Variants in TPPP observed in about 807,000 individuals in gnomAD.
The protein encoded by TPPP is tubulin polymerization-promoting protein.
In TPPP, 6 loss-of-function variants were observed where a neutral mutation model predicts 15.5. The observed-to-expected ratio is 0.39, with a 90% confidence interval of 0.21 to 0.77. The LOEUF (loss-of-function observed/expected upper bound fraction) is 0.77, where lower values mean the gene tolerates loss of function less well. Ranked by LOEUF, TPPP falls within the 30% of genes least tolerant of loss-of-function variation. TPPP has a pLI of 0.42. For missense variants in TPPP, 269 were observed against 307.2 expected (o/e 0.88, Z 0.93); for synonymous variants, 146 against 133.9 (o/e 1.09, Z -0.63).
chr5:674,699 G>A (rs1382042367), intron 2 of TPPP, among the ~76,000 whole-genome samples: 2 of 152,020 alleles, frequency 1.3e-5, no homozygotes, highest in African/African-American at 2.4e-5. Context: ...CACACCGCAT[G>A]GCCCGCTGCT....
upstream of TPPP, among the ~76,000 whole-genome samples, chr5:694,399 G>A (rs1740981129): frequency 7.9e-6 from 1 of 127,128 alleles, no homozygotes; most frequent in African/African-American, 2.5e-5. Flanking sequence ...CTCTAGTGCA[G>A]CTGAGCTCCT....
upstream of TPPP, chr5:693,368 C>A (rs1476385093): frequency 1.3e-5 from 2 of 148,264 alleles, no homozygotes; most frequent in Non-Finnish European, 3.0e-5. Context: ...CGCCGCCCCG[C>A]GCCCGCCCGT....
rs1008257558 is a variant in TPPP, at chr5:660,269, A to G, written c.*4833T>C. 4 of 152,032 alleles carry G rather than the reference A, an allele frequency of 2.6e-5. No homozygotes were observed. The highest frequency in any genetic ancestry group is 4.1e-4 in the South Asian group (2 of 4,828). The allele number at this position is 152,032 out of a possible 1,614,324, so 9.4% of individuals were successfully genotyped here. A position where few individuals can be genotyped will look rare whatever the true frequency, so the allele number is the denominator to read the frequency against. On this transcript the variant is annotated 3_prime_UTR_variant, in exon 4 of 4. Coordinates refer to ENST00000360578, the MANE Select transcript of TPPP (RefSeq NM_007030.3). Reference sequence around the variant, plus strand: ...TCTTGAAAAAAACTTAGTACAAACTAGTAGTTACACGATCCCTTTCAAGTT... The same window carrying G: ...TCTTGAAAAAAACTTAGTACAAACTGGTAGTTACACGATCCCTTTCAAGTT...
chr5:661,384 G>A lies in TPPP; in HGVS notation c.*3718C>T, dbSNP rs1412643687. ...ATAGAACCTGTCCCTGTGTCCTCGT[G>A]TCACCCATGACAGAACCTGTCCCTG... On this transcript the variant is annotated 3_prime_UTR_variant, in exon 4 of 4. Coordinates refer to ENST00000360578, the MANE Select transcript of TPPP (RefSeq NM_007030.3). 2 of 139,166 alleles carry A rather than the reference G, an allele frequency of 1.4e-5. No individual in the cohort carries two copies. Among genetic ancestry groups the A allele is most frequent in the Admixed American group, 7.5e-5 (1 of 13,382 alleles). The allele number at this position is 139,166 out of a possible 1,614,324, so 8.6% of individuals were successfully genotyped here. A position where few individuals can be genotyped will look rare whatever the true frequency, so the allele number is the denominator to read the frequency against.
chr5:696,292 C>G (rs1432969127), upstream of TPPP, among the ~76,000 whole-genome samples: 1 of 126,438 alleles, frequency 7.9e-6, no homozygotes, highest in Admixed American at 7.8e-5. Context: ...GACAGAGGCA[C>G]GGGGAGCGGG....
chr5:683,965 C>T (rs1740697739), intron 1 of TPPP, among the ~76,000 whole-genome samples: 1 of 152,212 alleles, frequency 6.6e-6, no homozygotes, highest in South Asian at 2.1e-4. Context: ...CACCCTCCAC[C>T]TCGGGCCGGC....
chr5:666,810 T>A (rs150309428), intron 2 of TPPP: 1 of 152,374 alleles, frequency 6.6e-6, no homozygotes, highest in African/African-American at 2.4e-5. Flanking sequence ...CTAAACTGAC[T>A]CTTGGTTTTT....
rs1739734399 is a variant in TPPP, at chr5:663,126, C to CCGATGACTGCTCGTCTGTGACCGGGT, written c.*1975_*1976insACCCGGTCACAGACGAGCAGTCATCG. The CCGATGACTGCTCGTCTGTGACCGGGT allele has an allele frequency of 1.2e-5, 1 of 86,304 alleles. No homozygotes were observed. Among genetic ancestry groups the CCGATGACTGCTCGTCTGTGACCGGGT allele is most frequent in the Non-Finnish European group, 2.4e-5 (1 of 41,394 alleles). The allele number at this position is 86,304 out of a possible 1,614,324, so 5.3% of individuals were successfully genotyped here. The stretch of plus-strand genomic sequence containing the variant: ...CGGTGGCCGCTCGTCTGTGATCGGG[C>CCGATGACTGCTCGTCTGTGACCGGGT]GATTCCGGTGACCGCTCGTCTGTGA... On this transcript the variant is annotated 3_prime_UTR_variant, in exon 4 of 4. Transcript: ENST00000360578.
intron 1 of TPPP, among the ~76,000 whole-genome samples, chr5:685,947 G>A (rs959662887): frequency 2.6e-5 from 4 of 152,182 alleles, no homozygotes; most frequent in Non-Finnish European, 4.4e-5. Context: ...CACAGACGCC[G>A]GGGCTGCCAG....
chr5:667,139 A>G (rs1223765361), intron 2 of TPPP: 2 of 152,236 alleles, frequency 1.3e-5, no homozygotes, highest in Non-Finnish European at 2.9e-5. Flanking sequence ...AACGATTTCA[A>G]GAAATGAGAA....
chr5:673,489 C>CCACTAGAGG (rs1740293105), intron 2 of TPPP, among the ~76,000 whole-genome samples: 2 of 152,094 alleles, frequency 1.3e-5, no homozygotes, highest in Non-Finnish European at 2.9e-5. Flanking sequence ...AATCCCTTGG[C>CCACTAGAGG]CTCCCCTCAG....
At chr5:688,708 AC>A (rs1390126427) in intron 1 of TPPP, among the ~76,000 whole-genome samples, 1 of 137,354 alleles carries the variant, frequency 7.3e-6, no homozygotes, top group African/African-American at 2.5e-5. Flanking sequence ...GATGAGCTTC[AC>A]CCCAGTGGCT....
rs1739644251 is a variant in TPPP, at chr5:662,061, G to T, written c.*3041C>A. ...TCGATCTCATTCACGAAACCCACAG[G>T]CGTGGCCTAGGGTTTGGGATGCACG... On this transcript the variant is annotated 3_prime_UTR_variant, in exon 4 of 4. Transcript: ENST00000360578. 6.6e-6 allele frequency: 1 copy of T among 152,426 alleles called. No individual in the cohort carries two copies. The allele number at this position is 152,426 out of a possible 1,614,324, so 9.4% of individuals were successfully genotyped here.
intron 1 of TPPP, among the ~76,000 whole-genome samples, chr5:686,988 C>A (rs1249978452): frequency 5.0e-5 from 7 of 140,924 alleles, no homozygotes; most frequent in Non-Finnish European, 9.7e-5. Flanking sequence ...GACTCTCCAG[C>A]CCCCAGAACT....
chr5:669,726 C>CTCCCCGAGTGTCTCGCGT (rs1740132146), intron 2 of TPPP, among the ~76,000 whole-genome samples: 1 of 151,766 alleles, frequency 6.6e-6, no homozygotes, highest in Non-Finnish European at 1.5e-5. Flanking sequence ...GCTCTGCGCG[C>CTCCCCGAGTGTCTCGCGT]TCCCCGAGTG....
chr5:670,892 T>C (rs1274701918), intron 2 of TPPP, among the ~76,000 whole-genome samples: 1 of 152,206 alleles, frequency 6.6e-6, no homozygotes, highest in African/African-American at 2.4e-5. Context: ...AGGTGATGTC[T>C]GGCCACCTGA....
chr5:668,795 G>A (rs995314671), intron 2 of TPPP, among the ~76,000 whole-genome samples: 1 of 152,212 alleles, frequency 6.6e-6, no homozygotes, highest in Non-Finnish European at 1.5e-5. Context: ...TTCAGCAGCG[G>A]CCAGACCACA....
At chr5:675,665 A>C (rs1740407863) in intron 2 of TPPP, among the ~76,000 whole-genome samples, 1 of 151,900 alleles carries the variant, frequency 6.6e-6, no homozygotes, top group Non-Finnish European at 1.5e-5. Flanking sequence ...TCGAGGGCTG[A>C]GCCCCAGCCC....
At chr5:672,086 G>A (rs1301091543) in intron 2 of TPPP, among the ~76,000 whole-genome samples, 1 of 152,228 alleles carries the variant, frequency 6.6e-6, no homozygotes, top group Non-Finnish European at 1.5e-5. Flanking sequence ...CTCCAAACCT[G>A]GGTCCTGCTC....
Sources: gnomAD v4.1 joint callset for allele counts (sites outside exome capture counted in the v4.1 genomes callset) on GRCh38, gnomAD v4.1.1 for gene constraint, MANE v1.5 for transcripts, NCBI Gene and HGNC (gene_info 2026-07-23, HGNC 2026-07-21) for gene names.